KANK1: variants seen among roughly 807,000 people sequenced by gnomAD.
KANK1 encodes the protein KN motif and ankyrin repeat domain-containing protein 1.
A neutral mutation model predicts 106.2 loss-of-function variants in KANK1; 109 were observed. The observed-to-expected ratio is 1.03, with a 90% CI of 0.88 to 1.20. The LOEUF (loss-of-function observed/expected upper bound fraction) is 1.20, where lower values mean the gene tolerates loss of function less well. KANK1 is among the 50% of genes most tolerant of loss of function. KANK1 has a pLI of 0.00. For missense variants in KANK1, 2,399 were observed against 1,710.7 expected, an observed-to-expected ratio of 1.40 and a Z score of -7.10; for synonymous variants, 873 against 652.2, an observed-to-expected ratio of 1.34 and a Z score of -5.16.
intron 1 of KANK1, among the ~76,000 whole-genome samples, chr9:599,698 A>G (rs536404014): frequency 6.6e-6 from 1 of 151,928 alleles, no homozygotes; most frequent in East Asian, 1.9e-4. Context: ...TTTTCAACCC[A>G]ACATGGATTG....
chr9:645,943 T>G (rs1839578381), intron 1 of KANK1, among the ~76,000 whole-genome samples: 1 of 150,998 alleles, frequency 6.6e-6, no homozygotes, highest in Admixed American at 6.6e-5. Context: ...ATTAAAAGAT[T>G]TATTTCAACA....
intron 1 of KANK1, among the ~76,000 whole-genome samples, chr9:647,294 A>G (rs1371294036): frequency 6.6e-6 from 1 of 150,900 alleles, no homozygotes; most frequent in Non-Finnish European, 1.5e-5. Context: ...TAGACAACTA[A>G]GTTCTGGGTA....
At chr9:694,360 C>G (rs984115470) in intron 2 of KANK1, among the ~76,000 whole-genome samples, 2 of 152,186 alleles carry the variant, frequency 1.3e-5, no homozygotes, top group African/African-American at 4.8e-5. Context: ...ACGCTTAGAA[C>G]AGCATGTTAC....
At chr9:484,097 C>T (rs2058251991) in intron 3 of KANK1, among the ~76,000 whole-genome samples, 2 of 152,214 alleles carry the variant, frequency 1.3e-5, no homozygotes. Flanking sequence ...GTCAGTGGCT[C>T]CTCCCTGCTT....
At chr9:724,835 T>C (rs574675293) in intron 3 of KANK1, among the ~76,000 whole-genome samples, 19 of 152,134 alleles carry the variant, frequency 1.2e-4, no homozygotes, top group Non-Finnish European at 2.5e-4. Context: ...ATTCAGTGAT[T>C]AACTAGTGAG....
At chr9:719,893 A>T (rs2131281149) in intron 3 of KANK1, among the ~76,000 whole-genome samples, 1 of 152,284 alleles carries the variant, frequency 6.6e-6, no homozygotes, top group South Asian at 2.1e-4. Context: ...AGTTTCACTG[A>T]ATTATTTTTC....
At position 618,322 on chromosome 9, in the gene KANK1, C is replaced by G. The variant is rs191536185; in HGVS notation, c.-83-58568C>G. The stretch of plus-strand genomic sequence containing the variant: ...CTGCTGGTTCAAGCAATTCTCCTGC[C>G]TCAGCCTCCCGAGTAGCTGGGACTA... On this transcript the variant is annotated intron_variant, in intron 1 of 11. Coordinates refer to ENST00000382297, the MANE Select transcript of KANK1 (RefSeq NM_015158.5). Among the ~76,000 whole-genome samples, 14 of 152,250 alleles carry G rather than the reference C, an allele frequency of 9.2e-5. No individual in the cohort carries two copies. In the East Asian group the frequency reaches 1.9e-3, roughly 21 times the overall value.
At chr9:734,983 T>C (rs1031747880) in intron 7 of KANK1, 148 bp downstream of exon 7, 2 of 636,948 alleles carry the variant, frequency 3.1e-6, no homozygotes, top group African/African-American at 1.8e-5. Context: ...GTAAACATCA[T>C]GTGGTCTTGC....
Position 574,264 on chromosome 9 carries a change from G to A in KANK1, c.-84+69510G>A, listed in dbSNP as rs187540250. ...GATGTTGAGTGGGCAGGGCCCCAGC[G>A]GTCTTTACTGAAATACCAGAGCCTG... is the stretch of plus-strand genomic sequence containing the variant. On this transcript the variant is annotated intron_variant, in intron 1 of 11. Transcript: ENST00000382297. Among the ~76,000 whole-genome samples the A allele has an allele frequency of 2.1e-4, 32 of 152,302 alleles. No homozygotes were observed. In the East Asian group the frequency reaches 5.2e-3, roughly 25 times the overall value.
At chr9:660,732 G>A (rs1469085282) in intron 1 of KANK1, among the ~76,000 whole-genome samples, 1 of 152,128 alleles carries the variant, frequency 6.6e-6, no homozygotes, top group East Asian at 1.9e-4. Context: ...GAGAGGATGG[G>A]GTAAGGCAGC....
rs934997450 is a variant in KANK1, at chr9:731,160, T to C, written c.2899T>C (p.Cys967Arg). 1.9e-6 allele frequency: 3 copies of C among 1,586,562 alleles called. No homozygotes were observed. The highest frequency in any genetic ancestry group is 1.7e-5 in the Admixed American group (1 of 59,606). ...TTATTGCCTTGACTTTTTCACAGCATGTACAAACAATGAAAGTACACTGAA... is the reference window on the plus strand; with the variant it reads ...TTATTGCCTTGACTTTTTCACAGCACGTACAAACAATGAAAGTACACTGAA... ...DDQIAAGLYACTNNESTLKSI... is the reference protein window; with the variant it reads ...DDQIAAGLYARTNNESTLKSI... Residue 967 changes from cysteine to arginine, a missense_variant and splice_region_variant, in exon 5 of 12, where the codon TGT (cysteine) becomes CGT (arginine). Physicochemically the swap from Cys to Arg is radical, Grantham distance 180 (BLOSUM62 -3). Transcript: ENST00000382297.
At chr9:631,342 C>G (rs900183107) in intron 1 of KANK1, among the ~76,000 whole-genome samples, 45 of 152,270 alleles carry the variant, frequency 3.0e-4, no homozygotes, top group African/African-American at 9.4e-4. Context: ...CCCTGGGCAG[C>G]CTTAACCAGG....
intron 1 of KANK1, among the ~76,000 whole-genome samples, chr9:614,261 G>T (rs546272904): frequency 6.6e-6 from 1 of 152,296 alleles, no homozygotes; most frequent in South Asian, 2.1e-4. Context: ...TCGACCCTCA[G>T]TGTTTGTTTA....
At chr9:503,945 C>A (rs1373052858), upstream of KANK1, among the ~76,000 whole-genome samples, 4 of 152,174 alleles carry the variant, frequency 2.6e-5, no homozygotes, top group Non-Finnish European at 4.4e-5. Context: ...CACGCATCCT[C>A]CCCTTTCCGC....
chr9:499,517 AGATCCTCCACC>A (rs1349983455), intron 3 of KANK1, among the ~76,000 whole-genome samples: 2 of 152,162 alleles, frequency 1.3e-5, no homozygotes, highest in African/African-American at 2.4e-5. Flanking sequence ...CAGACCTTGG[AGATCCTCCACC>A]GCCGACAAGG....
intron 1 of KANK1, among the ~76,000 whole-genome samples, chr9:671,623 A>AAAAAAAAAAAAAAAAAAGAAG (rs79437342): frequency 5.1e-4 from 53 of 103,604 alleles, no homozygotes; most frequent in East Asian, 2.6e-3. Flanking sequence ...CTCAAAAAAA[A>AAAAAAAAAAAAAAAAAAGAAG]AAAAGAGTGT....
intron 2 of KANK1, among the ~76,000 whole-genome samples, chr9:692,790 G>C (rs983616854): frequency 1.3e-5 from 2 of 152,068 alleles, no homozygotes; most frequent in Admixed American, 6.6e-5. Context: ...CAAAGCTGGA[G>C]GACTTCTTGA....
intron 2 of KANK1, among the ~76,000 whole-genome samples, chr9:680,449 A>T (rs528790297): frequency 6.1e-4 from 93 of 152,182 alleles, no homozygotes; most frequent in Non-Finnish European, 9.8e-4. Flanking sequence ...TAATGCTGTA[A>T]TTTGTAAAAT....
intron 1 of KANK1, among the ~76,000 whole-genome samples, chr9:596,301 C>G (rs1826190579): frequency 6.6e-6 from 1 of 151,842 alleles, no homozygotes; most frequent in Non-Finnish European, 1.5e-5. Context: ...ACCCACATCC[C>G]TGTGTATGGG....
Sources: allele counts gnomAD v4.1 joint callset (sites outside exome capture counted in the v4.1 genomes callset), GRCh38; gene constraint gnomAD v4.1.1; transcripts MANE v1.5; gene names NCBI Gene and HGNC (gene_info 2026-07-23, HGNC 2026-07-21).